NRAP: variants seen among roughly 807,000 people sequenced by gnomAD.
NRAP encodes nebulin related anchoring protein, also known as nebulin-related-anchoring protein.
In NRAP, 189 loss-of-function variants were observed where a neutral mutation model predicts 225.9. The observed-to-expected ratio is 0.84, with a 90% CI of 0.74 to 0.94. The LOEUF (loss-of-function observed/expected upper bound fraction) is 0.94, where lower values mean the gene tolerates loss of function less well. Among genes scored for constraint, NRAP ranks in the 40% least tolerant of loss-of-function variants. The pLI is 0.00. For missense variants in NRAP, 2,176 were observed against 2,168.7 expected, an observed-to-expected ratio of 1.00 and a Z score of -0.07; for synonymous variants, 769 against 790.7, an observed-to-expected ratio of 0.97 and a Z score of 0.46.
intron 12 of NRAP, among the ~76,000 whole-genome samples, chr10:113,642,229 G>A (rs1416654426): frequency 1.3e-5 from 2 of 152,302 alleles, no homozygotes; most frequent in East Asian, 1.9e-4. Context: ...TTAGAGTTGG[G>A]CAGAGTGGCT....
rs762740500 is a variant in NRAP at position 113,654,084 on chromosome 10, G to A, written c.402C>T (p.Cys134=). ...WTGYGEGNAW[C]PGALPDPEIV... ...TTTCGGGGTCTGGCAGAGCTCCTGGGCACCAAGCATTCCCTTCCCCATATC... is the reference window on the plus strand; with the variant it reads ...TTTCGGGGTCTGGCAGAGCTCCTGGACACCAAGCATTCCCTTCCCCATATC... The change falls in exon 5 of 42, where the codon TGC becomes TGT. Residue 134 remains cysteine, a synonymous_variant. Coordinates refer to ENST00000359988, the MANE Select transcript of NRAP (RefSeq NM_198060.4). 8 of 1,613,612 alleles carry A rather than the reference G, an allele frequency of 5.0e-6. No individual in the cohort carries two copies. In the East Asian group the frequency reaches 1.6e-4, roughly 31 times the overall value.
At chr10:113,652,037 C>A in intron 6 of NRAP, 130 bp from the exon 7 acceptor site, 2 of 688,366 alleles carry the variant, frequency 2.9e-6, no homozygotes, top group Non-Finnish European at 2.6e-6. Flanking sequence ...TCTTCTGTGG[C>A]TTGTTTCATG....
In NRAP at chr10:113,589,004, C is replaced by A; in HGVS notation, c.5164G>T (p.Val1722Phe). The change falls in exon 42 of 42, where the codon GTC becomes TTC. Residue 1722 changes from valine (V) to phenylalanine (F), a missense_variant. Coordinates refer to ENST00000359988, the MANE Select transcript of NRAP (RefSeq NM_198060.4). ...VNPDATEILH[V>F]KKKKALLL is the part of the protein sequence containing the mutation. The stretch of plus-strand genomic sequence containing the variant: ...AACAGCAGGGCCTTCTTCTTTTTGA[C>A]GTGCAGAATCTCAGTGGCATCTGGG... 1.2e-6 allele frequency: 2 copies of A among 1,613,930 alleles called. No homozygotes were observed. The highest frequency in any genetic ancestry group is 1.7e-6 in the Non-Finnish European group (2 of 1,179,902).
intron 35 of NRAP, among the ~76,000 whole-genome samples, chr10:113,598,831 T>C (rs202196176): frequency 1.3e-5 from 2 of 152,256 alleles, no homozygotes; most frequent in East Asian, 3.8e-4. Flanking sequence ...CTAAGCCTTA[T>C]TTTCTTTCCT....
chr10:113,616,220 ATCC>A, intron 26 of NRAP, among the ~76,000 whole-genome samples: 1 of 152,246 alleles, frequency 6.6e-6, no homozygotes, highest in South Asian at 2.1e-4. Context: ...CCCTATCTCA[ATCC>A]TCCTCCGTTC....
chr10:113,604,796 C>G lies in NRAP; in HGVS notation c.4040G>C (p.Arg1347Thr). 1.9e-6 allele frequency: 3 copies of G among 1,614,198 alleles called. No homozygotes were observed. The highest frequency in any genetic ancestry group is 2.5e-6 in the Non-Finnish European group (3 of 1,180,032). Residue 1347 changes from arginine (R) to threonine (T), a missense_variant, in exon 35 of 42, where the codon AGG becomes ACG. Arg to Thr is a moderately conservative substitution (Grantham distance 71). Transcript: ENST00000359988. ...MGQLQSELQY[R>T]RGATSSQAQF... ...GGCTTGGCTGCTGGTCGCCCCCCTC[C>G]TGTACTGAAGCTCGCTCTGCAGCTG...
Position 113,614,225 on chromosome 10 carries a change from G to C in NRAP, c.3258C>G (p.Ile1086Met). ...TCGCATACACTGAATGTGCAAGGCT[G>C]ATATCATCTTCCAAGCTCCGGGAAC... Reference protein sequence around the residue: ...MLGSRSLEDDISLAHSVYATS... With the variant: ...MLGSRSLEDDMSLAHSVYATS... The change falls in exon 29 of 42, where the codon ATC becomes ATG. Residue 1086 changes from isoleucine to methionine, a missense_variant. By Grantham distance (10) the Ile-to-Met change is conservative (BLOSUM62 1). Coordinates refer to ENST00000359988, the MANE Select transcript of NRAP (RefSeq NM_198060.4). 1 of 1,614,036 alleles carries C rather than the reference G, an allele frequency of 6.2e-7. No homozygotes were observed. Among genetic ancestry groups the C allele is most frequent in the Non-Finnish European group, 8.5e-7 (1 of 1,179,870 alleles).
chr10:113,620,737 AG>A, intron 24 of NRAP, 29 bp from the exon 25 acceptor site: 1 of 1,448,718 alleles, frequency 6.9e-7, no homozygotes, highest in East Asian at 2.3e-5. Flanking sequence ...AAAAAAAAAA[AG>A]CAGGCCATTG....
intron 14 of NRAP, among the ~76,000 whole-genome samples, chr10:113,636,994 A>G: frequency 7.6e-6 from 1 of 131,292 alleles, no homozygotes; most frequent in Admixed American, 8.2e-5. Context: ...GTGACAGAGC[A>G]AGACTTCATC....
chr10:113,591,952 T>C (rs1318617994), intron 39 of NRAP, among the ~76,000 whole-genome samples: 1 of 152,244 alleles, frequency 6.6e-6, no homozygotes, highest in Non-Finnish European at 1.5e-5. Flanking sequence ...ATCCATCATC[T>C]TTTAAGAGTG....
intron 35 of NRAP, among the ~76,000 whole-genome samples, chr10:113,603,113 TAG>T (rs1472037908): frequency 6.6e-6 from 1 of 152,188 alleles, no homozygotes; most frequent in Non-Finnish European, 1.5e-5. Context: ...GCTGTGGGCC[TAG>T]AGAGAGGATG....
intron 35 of NRAP, among the ~76,000 whole-genome samples, chr10:113,603,148 T>G (rs1270022660): frequency 6.6e-6 from 1 of 152,226 alleles, no homozygotes; most frequent in Non-Finnish European, 1.5e-5. Context: ...CCTGCCACAC[T>G]GCAACGCAGT....
rs376368754 is a variant in NRAP at position 113,650,008 on chromosome 10, G to A, written c.888+29C>T. 1.7e-5 allele frequency: 21 copies of A among 1,256,944 alleles called. No individual in the cohort carries two copies. In the African/African-American group the frequency reaches 2.8e-4, roughly 17 times the overall value. 77.9% of individuals were successfully genotyped at this position (1,256,944 alleles called of 1,614,324 possible). A position where few individuals can be genotyped will look rare whatever the true frequency, so the allele number is the denominator to read the frequency against. Reference sequence around the variant, plus strand: ...TAGAATGGGCCAAACATGGAAAAGAGCAGGTCAGGAGATCATTTTATCACA... The same window carrying A: ...TAGAATGGGCCAAACATGGAAAAGAACAGGTCAGGAGATCATTTTATCACA... On this transcript the variant is annotated intron_variant, in intron 9 of 41. Transcript: ENST00000359988.
In NRAP at chr10:113,594,533, C is replaced by G. The variant is rs1007000080; in HGVS notation, c.4536+1090G>C. 1.2e-4 allele frequency among the ~76,000 whole-genome samples: 18 copies of G among 152,232 alleles called. 1 individual carries two copies. Among genetic ancestry groups the G allele is most frequent in the Non-Finnish European group, 1.5e-5 (1 of 68,048 alleles). On this transcript the variant is annotated intron_variant, in intron 38 of 41. Coordinates refer to ENST00000359988, the MANE Select transcript of NRAP (RefSeq NM_198060.4). ...AAATGGAGGCCTTGCCTTCCCCCAT[C>G]CTTGAAGCATTAATGAGATAGATGT...
At chr10:113,620,497 GCTTTGCCTTTTT>G in intron 25 of NRAP, 95 bp downstream of exon 25, 1 of 809,320 alleles carries the variant, frequency 1.2e-6, no homozygotes, top group East Asian at 2.5e-5. Flanking sequence ...CTTTCATGTG[GCTTTGCCTTTTT>G]CTTTGCCTTT....
chr10:113,626,270 T>C, intron 20 of NRAP, 125 bp from the exon 21 acceptor site: 2 of 663,552 alleles, frequency 3.0e-6, no homozygotes, highest in South Asian at 3.9e-5. Flanking sequence ...AGGAATGTTC[T>C]AGTTGTTCCT....
At position 113,588,912 on chromosome 10, in the gene NRAP, T is replaced by C. The variant is rs1845745628; in HGVS notation, c.*63A>G. On this transcript the variant is annotated 3_prime_UTR_variant, in exon 42 of 42. Transcript: ENST00000359988. ...CCAGCTTGCCGAAATCAAAGCCATC[T>C]GAAGCCTGTCTCTGGTGAACAAACT... is the stretch of plus-strand genomic sequence containing the variant. 3.0e-6 allele frequency: 4 copies of C among 1,338,728 alleles called. No individual in the cohort carries two copies. The highest frequency in any genetic ancestry group is 4.6e-5 in the East Asian group (2 of 43,516). 82.9% of individuals were successfully genotyped at this position (1,338,728 alleles called of 1,614,324 possible). A position where few individuals can be genotyped will look rare whatever the true frequency, so the allele number is the denominator to read the frequency against.
At position 113,605,762 on chromosome 10, in the gene NRAP, A is replaced by G. The variant is rs199549441; in HGVS notation, c.3915T>C (p.Asp1305=). Reference sequence around the variant, plus strand: ...TGGAAGGTCATATCATTCAACTCACATCACTGGCTATATCTCCAGAGGCCC... The same window carrying G: ...TGGAAGGTCATATCATTCAACTCACGTCACTGGCTATATCTCCAGAGGCCC... The part of the protein sequence containing the change: ...AARASGDIAS[D]FLYRHDFVKE... Residue 1305 remains aspartate, a splice_region_variant and synonymous_variant, in exon 34 of 42, where the codon GAT becomes GAC. Transcript: ENST00000359988. 11 of 1,597,008 alleles carry G rather than the reference A, an allele frequency of 6.9e-6. No homozygotes were observed. Among genetic ancestry groups the G allele is most frequent in the African/African-American group, 2.7e-5 (2 of 74,578 alleles).
intron 18 of NRAP, among the ~76,000 whole-genome samples, chr10:113,630,061 A>G (rs747529284): frequency 8.5e-5 from 13 of 152,144 alleles, no homozygotes; most frequent in African/African-American, 1.2e-4. Flanking sequence ...TCTATTCCCA[A>G]TTCTCATAGA....
Sources: gnomAD v4.1 joint callset for allele counts (sites outside exome capture counted in the v4.1 genomes callset) on GRCh38, gnomAD v4.1.1 for gene constraint, MANE v1.5 for transcripts, NCBI Gene and HGNC (gene_info 2026-07-23, HGNC 2026-07-21) for gene names.